MYO18A: variants seen among roughly 807,000 people sequenced by gnomAD.
MYO18A encodes the protein myosin XVIIIA.
Under a neutral mutation model 235.8 loss-of-function variants are expected in MYO18A, and 78 were observed. The ratio of observed to expected loss-of-function variants is 0.33; its 90% CI spans 0.28 to 0.40. MYO18A has a LOEUF of 0.40. Ranked by LOEUF, MYO18A falls within the 10% of genes least tolerant of loss-of-function variation. MYO18A has a pLI of 1.00. For synonymous variants in MYO18A, 977 were observed against 1,077.8 expected, an observed-to-expected ratio of 0.91 and a Z score of 1.83; for missense variants, 2,215 against 2,699.3, an observed-to-expected ratio of 0.82 and a Z score of 3.98.
At chr17:29,147,923 A>C (rs1425582807) in intron 2 of MYO18A, among the ~76,000 whole-genome samples, 1 of 151,694 alleles carries the variant, frequency 6.6e-6, no homozygotes, top group Non-Finnish European at 1.5e-5. Flanking sequence ...GTCAAGGTAA[A>C]AGGTGATGCC....
chr17:29,119,411 C>T lies in MYO18A; in HGVS notation c.1753G>A (p.Val585Met), dbSNP rs1414318030. The change falls in exon 8 of 42, where the codon GTG becomes ATG. Residue 585 changes from valine to methionine, a missense_variant. Coordinates refer to ENST00000527372, the MANE Select transcript of MYO18A (RefSeq NM_078471.4). ...IQTMLLEKLR[V>M]ARRPASEATF... is the part of the protein sequence containing the mutation. ...GCTTCACTGGCTGGGCGCCGAGCCA[C>T]ACGCAGCTTCTCCAGAAGCATTGTC... 32 of 1,611,142 alleles carry T rather than the reference C, an allele frequency of 2.0e-5. No individual in the cohort carries two copies. The highest frequency in any genetic ancestry group is 2.6e-5 in the Non-Finnish European group (31 of 1,179,094).
Position 29,094,814 on chromosome 17 carries a change from C to G in MYO18A, c.4546G>C (p.Val1516Leu), listed in dbSNP as rs763968572. The change falls in exon 30 of 42, where the codon GTT (valine) becomes CTT (leucine). Residue 1516 changes from valine (V) to leucine (L), a missense_variant. By Grantham distance (32) the Val-to-Leu change is conservative. Coordinates refer to ENST00000527372, the MANE Select transcript of MYO18A (RefSeq NM_078471.4). ...DMDIAGFTQK[V>L]VSLEAELQDI... Reference sequence around the variant, plus strand: ...TGGAGCTCTGCCTCTAGAGACACAACCTTCTGGGTGAACCCTGCAATGTCC... The same window carrying G: ...TGGAGCTCTGCCTCTAGAGACACAAGCTTCTGGGTGAACCCTGCAATGTCC... 1 of 1,614,062 alleles carries G rather than the reference C, an allele frequency of 6.2e-7. No individual in the cohort carries two copies. The highest frequency in any genetic ancestry group is 8.5e-7 in the Non-Finnish European group (1 of 1,179,902).
chr17:29,178,977 G>A (rs1387000977), intron 1 of MYO18A, among the ~76,000 whole-genome samples: 6 of 152,170 alleles, frequency 3.9e-5, no homozygotes, highest in Admixed American at 6.5e-5. Flanking sequence ...AGGCCTTCTC[G>A]GCCACAGACA....
intron 2 of MYO18A, among the ~76,000 whole-genome samples, chr17:29,129,743 G>A (rs1378125344): frequency 6.6e-6 from 1 of 152,256 alleles, no homozygotes; most frequent in Admixed American, 6.5e-5. Flanking sequence ...GCTGCCTCTG[G>A]ATGCCACAAG....
At chr17:29,087,231 CA>C (rs2066278603) in intron 37 of MYO18A, 110 bp from the exon 38 acceptor site, 2 of 1,160,892 alleles carry the variant, frequency 1.7e-6, no homozygotes, top group Admixed American at 4.7e-5. Flanking sequence ...GCTCTGGCTC[CA>C]CCGTTCATTG....
At chr17:29,172,854 A>G (rs1233059623) in intron 1 of MYO18A, among the ~76,000 whole-genome samples, 2 of 152,242 alleles carry the variant, frequency 1.3e-5, no homozygotes, top group African/African-American at 4.8e-5. Context: ...CAAGGATACT[A>G]TGGACAGGCA....
rs527632507 is a variant in MYO18A, at chr17:29,144,373, A to G, written c.999+21569T>C. 3.3e-5 allele frequency among the ~76,000 whole-genome samples: 5 copies of G among 152,104 alleles called. No homozygotes were observed. The East Asian group carries it at 9.7e-4, about 29-fold the overall frequency. ...TCACCACCAGAGCCATTCCTTACGA[A>G]TGTGTCTCTACCTTGGCTGACCCTC... is the stretch of plus-strand genomic sequence containing the variant. On this transcript the variant is annotated intron_variant, in intron 2 of 41. Coordinates refer to ENST00000527372, the MANE Select transcript of MYO18A (RefSeq NM_078471.4).
intron 2 of MYO18A, among the ~76,000 whole-genome samples, chr17:29,134,144 C>G (rs528787138): frequency 1.3e-5 from 2 of 152,180 alleles, no homozygotes; most frequent in South Asian, 4.1e-4. Flanking sequence ...CTCTGTAGGC[C>G]AGGCTGAAGT....
At position 29,071,685 on chromosome 17, in the gene MYO18A, T is replaced by C. The variant is rs1320865373; in HGVS notation, c.*3085A>G. The C allele has an allele frequency of 1.3e-5, 2 of 152,220 alleles. No homozygotes were observed. The highest frequency in any genetic ancestry group is 1.5e-5 in the Non-Finnish European group (1 of 68,038). 9.4% of individuals were successfully genotyped at this position (152,220 alleles called of 1,614,324 possible). On this transcript the variant is annotated 3_prime_UTR_variant, in exon 42 of 42. Transcript: ENST00000527372. The stretch of plus-strand genomic sequence containing the variant: ...CCGCCAAAGAGAGCATCTCCCTCCA[T>C]AGTATGTCCAAAGCAACCTCTTCAT...
chr17:29,086,833 A>G, intron 38 of MYO18A, 103 bp downstream of exon 38: 1 of 1,345,422 alleles, frequency 7.4e-7, no homozygotes, highest in Non-Finnish European at 1.0e-6. Context: ...ACTCATGTGC[A>G]GTTTCTTTGC....
intron 2 of MYO18A, among the ~76,000 whole-genome samples, chr17:29,148,268 T>C (rs142271748): frequency 1.4e-3 from 215 of 152,362 alleles, no homozygotes; most frequent in Middle Eastern, 0.014. Flanking sequence ...ACTGTTGCCA[T>C]AAATGGGTAC....
At chr17:29,116,477 T>C (rs756184615) in intron 10 of MYO18A, 22 bp from the exon 11 acceptor site, 2 of 1,613,882 alleles carry the variant, frequency 1.2e-6, no homozygotes, top group East Asian at 2.2e-5. Flanking sequence ...AGGACCAGCA[T>C]GCAGCATGCA....
rs1297259674 is a variant in MYO18A at position 29,099,496 on chromosome 17, C to T, written c.3636+138G>A. The T allele has an allele frequency of 7.6e-6, 9 of 1,179,606 alleles. No individual in the cohort carries two copies. The East Asian group carries it at 2.1e-4, about 27-fold the overall frequency. 73.1% of individuals were successfully genotyped at this position (1,179,606 alleles called of 1,614,324 possible). On this transcript the variant is annotated intron_variant, in intron 22 of 41. Transcript: ENST00000527372. ...CAGCACACTTGCTGGCACCAGGGAG[C>T]TGCCTGTTCCCCACCCTGGCCCAGG...
Position 29,118,201 on chromosome 17 carries a change from G to T in MYO18A, c.1894-12C>A. On this transcript the variant is annotated splice_polypyrimidine_tract_variant and intron_variant, in intron 9 of 41. Transcript: ENST00000527372. The surrounding 1 kb of genome is among the most constrained non-coding windows in gnomAD (Gnocchi z 4.2). ...TGCTTTTCCTCAGGCTGTGGAGATA[G>T]ATGACCTCAAAGGGCTGTCCCTCCC... is the stretch of plus-strand genomic sequence containing the variant. 1 of 1,596,488 alleles carries T rather than the reference G, an allele frequency of 6.3e-7. No individual in the cohort carries two copies. Among genetic ancestry groups the T allele is most frequent in the Non-Finnish European group, 8.5e-7 (1 of 1,170,488 alleles).
intron 2 of MYO18A, among the ~76,000 whole-genome samples, chr17:29,149,908 C>T (rs1476853808): frequency 6.6e-6 from 1 of 152,256 alleles, no homozygotes; most frequent in Non-Finnish European, 1.5e-5. Flanking sequence ...CTCCTATCCA[C>T]CCCCTCTGGT....
chr17:29,090,001 G>A lies in MYO18A; in HGVS notation c.5486C>T (p.Thr1829Ile), dbSNP rs372479673. 8.1e-6 allele frequency: 13 copies of A among 1,614,066 alleles called. No homozygotes were observed. The highest frequency in any genetic ancestry group is 2.7e-5 in the African/African-American group (2 of 75,070). Residue 1829 changes from threonine (T) to isoleucine (I), a missense_variant, in exon 37 of 42, where the codon ACA (threonine) becomes ATA (isoleucine). Thr to Ile is a moderately conservative substitution (Grantham distance 89). Coordinates refer to ENST00000527372, the MANE Select transcript of MYO18A (RefSeq NM_078471.4). ...TTGCGTCCTTTCAAACTCCAGGCGT[G>A]TCTCCAGCTCCCGTATCTTAGCTTC... is the stretch of plus-strand genomic sequence containing the variant. ...RQEAKIRELE[T>I]RLEFERTQVK... is the part of the protein sequence containing the mutation.
intron 20 of MYO18A, among the ~76,000 whole-genome samples, chr17:29,104,848 C>T (rs1403043070): frequency 6.6e-6 from 1 of 151,972 alleles, no homozygotes; most frequent in Non-Finnish European, 1.5e-5. Flanking sequence ...AAGAACGGAG[C>T]CCCATGCTGC....
At chr17:29,080,671 G>A (rs957561504) in intron 41 of MYO18A, 28 of 985,440 alleles carry the variant, frequency 2.8e-5, no homozygotes, top group South Asian at 4.7e-5. Context: ...CCGGCTGACC[G>A]GTGCAGAGAC....
rs143462686 is a variant in MYO18A, at chr17:29,090,697, C to T, written c.5305-82G>A. ...CAGCCCAGCTGGAACACCAGGGGACCGAGGTTCCCACTCCATCACCTCCCA... is the reference window on the plus strand; with the variant it reads ...CAGCCCAGCTGGAACACCAGGGGACTGAGGTTCCCACTCCATCACCTCCCA... On this transcript the variant is annotated intron_variant, in intron 35 of 41. Transcript: ENST00000527372. 3.6e-3 allele frequency: 5,484 copies of T among 1,535,584 alleles called. 16 individuals are homozygous for T. The highest frequency in any genetic ancestry group is 5.7e-3 in the Middle Eastern group (34 of 5,916).
Sources: allele counts gnomAD v4.1 joint callset (sites outside exome capture counted in the v4.1 genomes callset), GRCh38; gene constraint gnomAD v4.1.1; non-coding constraint Gnocchi (gnomAD v3.1); transcripts MANE v1.5; gene names NCBI Gene and HGNC (gene_info 2026-07-23, HGNC 2026-07-21).